The following ROCK2 variants were observed in gnomAD, a reference collection of about 807,000 sequenced individuals.
ROCK2 encodes Rho associated coiled-coil containing protein kinase 2.
Under a neutral mutation model 195.1 loss-of-function variants are expected in ROCK2, and 61 were observed. The observed-to-expected ratio is 0.31, with a 90% CI of 0.25 to 0.39. The LOEUF is 0.39. Ranked by LOEUF, ROCK2 falls within the 10% of genes least tolerant of loss-of-function variation. The pLI is 1.00. For missense variants in ROCK2, 1,109 were observed against 1,637.4 expected (o/e 0.68, Z 5.57); for synonymous variants, 504 against 545.5 (o/e 0.92, Z 1.06).
In ROCK2 at chr2:11,327,203, C is replaced by T. The variant is rs1009096432; in HGVS notation, c.141+16793G>A. On this transcript the variant is annotated intron_variant, in intron 1 of 32. Transcript: ENST00000315872. ...AGGACAAGGACACTGAGGATTCTGG[C>T]AAGAAGTTTAAAGTGATGGAAAATG... Among the ~76,000 whole-genome samples the T allele has an allele frequency of 2.0e-5, 3 of 152,162 alleles. No individual in the cohort carries two copies. The East Asian group carries it at 5.8e-4, about 29-fold the overall frequency.
At chr2:11,223,954 G>A (rs1356048630) in intron 7 of ROCK2, among the ~76,000 whole-genome samples, 1 of 152,104 alleles carries the variant, frequency 6.6e-6, no homozygotes, top group Non-Finnish European at 1.5e-5. Context: ...ATAACCTGTT[G>A]AGTATTTATC....
chr2:11,214,801 T>C (rs1664367801), intron 16 of ROCK2, 39 bp downstream of exon 16: 1 of 1,546,854 alleles, frequency 6.5e-7, no homozygotes, highest in Admixed American at 1.8e-5. Context: ...AAAATAAGAA[T>C]CATCAAAATT....
intron 1 of ROCK2, among the ~76,000 whole-genome samples, chr2:11,290,213 A>C (rs1456281683): frequency 6.6e-6 from 1 of 152,220 alleles, no homozygotes; most frequent in African/African-American, 2.4e-5. Flanking sequence ...ACTTGATTGA[A>C]AGCCCATGTC....
chr2:11,343,967 G>GAGCA, intron 1 of ROCK2, 29 bp downstream of exon 1: 1 of 1,582,774 alleles, frequency 6.3e-7, no homozygotes, highest in Non-Finnish European at 8.6e-7. Context: ...GAGCTGCAAC[G>GAGCA]AGCAAGCTCC....
intron 1 of ROCK2, among the ~76,000 whole-genome samples, chr2:11,334,636 C>A (rs1319503442): frequency 4.3e-5 from 6 of 139,182 alleles, no homozygotes; most frequent in African/African-American, 1.2e-4. Flanking sequence ...ACTCAAAAGC[C>A]AAGAAGCATA....
intron 7 of ROCK2, among the ~76,000 whole-genome samples, chr2:11,223,515 T>A (rs907179314): frequency 6.6e-6 from 1 of 152,154 alleles, no homozygotes; most frequent in Admixed American, 6.5e-5. Context: ...AGCAATAAGA[T>A]GTGCTAAGGA....
At chr2:11,202,449 G>A (rs142442537) in intron 20 of ROCK2, among the ~76,000 whole-genome samples, 134 of 151,318 alleles carry the variant, frequency 8.9e-4, no homozygotes, top group Non-Finnish European at 1.5e-3. Context: ...TATAACAAAC[G>A]TAAACAAAAA....
chr2:11,336,085 T>G (rs1377008971), intron 1 of ROCK2, among the ~76,000 whole-genome samples: 2 of 152,222 alleles, frequency 1.3e-5, no homozygotes, highest in Non-Finnish European at 2.9e-5. Context: ...TAAGTGCTAT[T>G]AGCATTTATA....
intron 1 of ROCK2, among the ~76,000 whole-genome samples, chr2:11,336,126 G>A (rs1393769603): frequency 2.6e-5 from 4 of 152,062 alleles, no homozygotes; most frequent in African/African-American, 9.7e-5. Context: ...TTTCTACAAC[G>A]AGAGCATATT....
intron 20 of ROCK2, among the ~76,000 whole-genome samples, chr2:11,204,859 C>T (rs917471996): frequency 6.6e-6 from 1 of 152,174 alleles, no homozygotes; most frequent in Admixed American, 6.5e-5. Flanking sequence ...CAGTTCTCTT[C>T]TACTCCTTGA....
chr2:11,308,055 C>T (rs1667918639), intron 1 of ROCK2: 9 of 1,600,670 alleles, frequency 5.6e-6, no homozygotes, highest in Middle Eastern at 2.3e-4. Context: ...TCTGCTGCAG[C>T]GCTGGGGCGC....
chr2:11,235,805 G>A lies in ROCK2; in HGVS notation c.620C>T (p.Ser207Phe). ...CACATCTCTGTGTATTAAACCCATG[G>A]AGTGTATTGCATCCAGAGCAAGAAC... is the stretch of plus-strand genomic sequence containing the variant. ...EVVLALDAIH[S>F]MGLIHRDVKP... The change falls in exon 5 of 33, where the codon TCC (serine) becomes TTC (phenylalanine). Residue 207 changes from serine (S) to phenylalanine (F), a missense_variant. By Grantham distance (155) the Ser-to-Phe change is radical. Transcript: ENST00000315872. The surrounding 1 kb of genome is among the most constrained non-coding windows in gnomAD (Gnocchi z 4.2). 1 of 1,613,982 alleles carries A rather than the reference G, an allele frequency of 6.2e-7. No homozygotes were observed. The highest frequency in any genetic ancestry group is 8.5e-7 in the Non-Finnish European group (1 of 1,179,954).
At chr2:11,193,280 A>G (rs1046190029) in intron 30 of ROCK2, among the ~76,000 whole-genome samples, 13 of 152,288 alleles carry the variant, frequency 8.5e-5, no homozygotes, top group African/African-American at 3.1e-4. Context: ...ACCAAGCACA[A>G]CGACTCTTAC....
chr2:11,344,298 G>T lies in ROCK2; in HGVS notation c.-162C>A. The T allele has an allele frequency of 8.1e-7, 1 of 1,241,852 alleles. No individual in the cohort carries two copies. Among genetic ancestry groups the T allele is most frequent in the Non-Finnish European group, 1.0e-6 (1 of 994,348 alleles). The allele number at this position is 1,241,852 out of a possible 1,614,324, so 76.9% of individuals were successfully genotyped here. ...GTCTCCAAGGCGGTCCCCCGCCTGG[G>T]GGCTGCTCCCAGGGGCCCGCCCGGC... On this transcript the variant is annotated 5_prime_UTR_variant, in exon 1 of 33. Transcript: ENST00000315872. This position sits in a 1 kb window ranked among gnomAD's most constrained non-coding sequence, Gnocchi z 5.4.
chr2:11,181,038 T>C lies in ROCK2; in HGVS notation c.*2399A>G, dbSNP rs1259838733. 1 of 151,896 alleles carries C rather than the reference T, an allele frequency of 6.6e-6. No homozygotes were observed. Among genetic ancestry groups the C allele is most frequent in the Non-Finnish European group, 1.5e-5 (1 of 67,980 alleles). The allele number at this position is 151,896 out of a possible 1,614,324, so 9.4% of individuals were successfully genotyped here. On this transcript the variant is annotated 3_prime_UTR_variant, in exon 33 of 33. Coordinates refer to ENST00000315872, the MANE Select transcript of ROCK2 (RefSeq NM_004850.5). The stretch of plus-strand genomic sequence containing the variant: ...CCTAAGACCTTCATATGAATCTTCC[T>C]TGTACAGTTGGTCACACCATGATTC...
At position 11,192,677 on chromosome 2, in the gene ROCK2, T is replaced by C; in HGVS notation, c.3723A>G (p.Glu1241=). The change falls in exon 31 of 33, where the codon GAA becomes GAG. Residue 1241 remains glutamate (E), a synonymous_variant. Transcript: ENST00000315872. The surrounding 1 kb of genome is among the most constrained non-coding windows in gnomAD (Gnocchi z 5.0). ...CAACTGGCTCCACTGGAAATTCTTG[T>C]TCCTTCTTACTTTCTCCTTCATTGG... ...LYANEGESKK[E]QEFPVEPVGE... 6.2e-7 allele frequency: 1 copy of C among 1,613,750 alleles called. No homozygotes were observed. The highest frequency in any genetic ancestry group is 8.5e-7 in the Non-Finnish European group (1 of 1,179,932).
At chr2:11,317,277 A>G (rs1188830365) in intron 1 of ROCK2, among the ~76,000 whole-genome samples, 1 of 151,990 alleles carries the variant, frequency 6.6e-6, no homozygotes, top group Non-Finnish European at 1.5e-5. Context: ...TTTACCAATC[A>G]GAAGATACTC....
chr2:11,194,843 T>C (rs1663568828), intron 28 of ROCK2, 112 bp downstream of exon 28: 2 of 462,580 alleles, frequency 4.3e-6, no homozygotes, highest in Non-Finnish European at 7.6e-6. Flanking sequence ...TATAAACAAG[T>C]TCTATGTGTC....
chr2:11,284,876 C>T (rs1266303332), intron 3 of ROCK2, among the ~76,000 whole-genome samples: 1 of 152,176 alleles, frequency 6.6e-6, no homozygotes, highest in Non-Finnish European at 1.5e-5. Flanking sequence ...AATTTTGGCT[C>T]ATCACCTAAA....
Sources: allele counts gnomAD v4.1 joint callset (sites outside exome capture counted in the v4.1 genomes callset), GRCh38; gene constraint gnomAD v4.1.1; non-coding constraint Gnocchi (gnomAD v3.1); transcripts MANE v1.5; gene names NCBI Gene and HGNC (gene_info 2026-07-23, HGNC 2026-07-21).